The following SAMD12 variants were observed in gnomAD, a reference collection of about 807,000 sequenced individuals.
SAMD12 encodes the protein sterile alpha motif domain-containing protein 12.
SAMD12 carries 9 observed loss-of-function variants against 15.0 expected under a neutral mutation model. That is an observed-to-expected ratio of 0.60 (90% CI 0.36 to 1.05). The LOEUF (loss-of-function observed/expected upper bound fraction) is 1.05, where lower values mean the gene tolerates loss of function less well. Among genes scored for constraint, SAMD12 ranks in the 50% least tolerant of loss-of-function variants. SAMD12 has a pLI of 0.01. For missense variants in SAMD12, 230 were observed against 234.2 expected, an observed-to-expected ratio of 0.98 and a Z score of 0.12; for synonymous variants, 86 against 90.1, an observed-to-expected ratio of 0.96 and a Z score of 0.25.
At chr8:118,385,443 C>T (rs530280955) in intron 3 of SAMD12, among the ~76,000 whole-genome samples, 1 of 152,314 alleles carries the variant, frequency 6.6e-6, no homozygotes, top group African/African-American at 2.4e-5. Flanking sequence ...CCTGGTTCTA[C>T]AGCAGCTTCT....
the SAMD12 span, among the ~76,000 whole-genome samples, chr8:118,140,966 G>A: frequency 2.0e-5 from 3 of 152,242 alleles, no homozygotes; most frequent in South Asian, 6.2e-4. Flanking sequence ...AGTTTTGTTG[G>A]GCTGAGTCAC....
At chr8:118,542,305 A>G (rs190498425) in intron 2 of SAMD12, among the ~76,000 whole-genome samples, 1 of 152,212 alleles carries the variant, frequency 6.6e-6, no homozygotes, top group Non-Finnish European at 1.5e-5. Context: ...CAATGAAAAA[A>G]TAGATACATC....
the SAMD12 span, among the ~76,000 whole-genome samples, chr8:118,156,313 T>C: frequency 2.6e-5 from 4 of 152,216 alleles, no homozygotes; most frequent in African/African-American, 9.7e-5. Context: ...CATCAGATTG[T>C]ATCAGTGTGA....
At chr8:118,418,635 C>T (rs1051419758) in intron 3 of SAMD12, among the ~76,000 whole-genome samples, 5 of 151,812 alleles carry the variant, frequency 3.3e-5, no homozygotes, top group Non-Finnish European at 5.9e-5. Flanking sequence ...AGGAGAATGG[C>T]ATGAACCCGG....
rs530304889 is a variant in SAMD12, at chr8:118,336,520, T to C, written c.433+43040A>G. On this transcript the variant is annotated intron_variant, in intron 4 of 4. Coordinates refer to the SAMD12 transcript ENST00000409003. ...GTCTTTATAGCAGCATGATTTATAATCCTTTGGGTAGATACCCCGTAATGG... is the reference window on the plus strand; with the variant it reads ...GTCTTTATAGCAGCATGATTTATAACCCTTTGGGTAGATACCCCGTAATGG... Among the ~76,000 whole-genome samples, 20 of 151,962 alleles carry C rather than the reference T, an allele frequency of 1.3e-4. No homozygotes were observed. The South Asian group carries it at 4.1e-3, about 32-fold the overall frequency.
At chr8:118,491,808 C>T (rs551251046) in intron 2 of SAMD12, among the ~76,000 whole-genome samples, 3 of 152,154 alleles carry the variant, frequency 2.0e-5, no homozygotes, top group East Asian at 1.9e-4. Context: ...TAGAGAAGCC[C>T]GTTGTATAAA....
the SAMD12 span, among the ~76,000 whole-genome samples, chr8:118,132,948 G>T: frequency 8.2e-6 from 1 of 121,762 alleles, no homozygotes; most frequent in Admixed American, 9.1e-5. Flanking sequence ...TGATTCTTAT[G>T]GTAGCTAACA....
chr8:118,270,836 G>A (rs1314639807), intron 4 of SAMD12, among the ~76,000 whole-genome samples: 1 of 152,102 alleles, frequency 6.6e-6, no homozygotes, highest in African/African-American at 2.4e-5. Context: ...CTATATCACA[G>A]TGAGAAAGAA....
chr8:118,409,133 A>T (rs911946844), intron 3 of SAMD12, among the ~76,000 whole-genome samples: 2 of 152,108 alleles, frequency 1.3e-5, no homozygotes, highest in African/African-American at 4.8e-5. Context: ...TGAAGTTACA[A>T]ATGGGAAGGG....
At chr8:118,349,993 T>G (rs1162626071) in intron 4 of SAMD12, among the ~76,000 whole-genome samples, 1 of 152,110 alleles carries the variant, frequency 6.6e-6, no homozygotes, top group Non-Finnish European at 1.5e-5. Flanking sequence ...CCAGCCGTGG[T>G]GGTACATGCC....
At chr8:118,348,187 C>A (rs1218464743) in intron 4 of SAMD12, among the ~76,000 whole-genome samples, 1 of 152,136 alleles carries the variant, frequency 6.6e-6, no homozygotes, top group African/African-American at 2.4e-5. Context: ...AGTGATCCTC[C>A]CACCTCAGCC....
intron 2 of SAMD12, among the ~76,000 whole-genome samples, chr8:118,448,734 CAG>C (rs1327086323): frequency 6.6e-6 from 1 of 151,948 alleles, no homozygotes; most frequent in East Asian, 1.9e-4. Flanking sequence ...TCAACTGACA[CAG>C]AGAGTGATGT....
intron 3 of SAMD12, among the ~76,000 whole-genome samples, chr8:118,420,302 T>C (rs1421989065): frequency 6.6e-6 from 1 of 152,152 alleles, no homozygotes; most frequent in Admixed American, 6.5e-5. Context: ...TGTGTGTGTA[T>C]ATATAGGAGG....
intron 4 of SAMD12, among the ~76,000 whole-genome samples, chr8:118,343,404 C>A (rs1817472119): frequency 7.0e-6 from 1 of 141,896 alleles, no homozygotes; most frequent in African/African-American, 2.7e-5. Context: ...ACCAGAAATG[C>A]AACATGCAAA....
intron 1 of SAMD12, among the ~76,000 whole-genome samples, chr8:118,614,199 C>T (rs1034222904): frequency 4.6e-5 from 7 of 152,220 alleles, no homozygotes; most frequent in African/African-American, 1.7e-4. Flanking sequence ...AGCATCATCA[C>T]TATCATCTTG....
At chr8:118,476,302 T>C (rs1374259223) in intron 2 of SAMD12, among the ~76,000 whole-genome samples, 4 of 152,160 alleles carry the variant, frequency 2.6e-5, no homozygotes, top group Non-Finnish European at 2.9e-5. Flanking sequence ...TCCTGGACCA[T>C]GCAAATAAGA....
At chr8:118,147,875 A>G in the SAMD12 span, among the ~76,000 whole-genome samples, 2 of 151,386 alleles carry the variant, frequency 1.3e-5, no homozygotes, top group South Asian at 2.1e-4. Context: ...TTAGCCTCCT[A>G]AGTAGCTAGG....
chr8:118,166,526 G>C, the SAMD12 span, among the ~76,000 whole-genome samples: 1 of 152,062 alleles, frequency 6.6e-6, no homozygotes, highest in African/African-American at 2.4e-5. Flanking sequence ...AAAAATTAAT[G>C]CTTTGTACTT....
At chr8:118,239,460 A>G (rs1812519217) in intron 4 of SAMD12, among the ~76,000 whole-genome samples, 2 of 152,156 alleles carry the variant, frequency 1.3e-5, no homozygotes, top group African/African-American at 4.8e-5. Context: ...CTGAGTACCT[A>G]TTATGTGCCA....
Sources: allele counts gnomAD v4.1 joint callset (sites outside exome capture counted in the v4.1 genomes callset), GRCh38; gene constraint gnomAD v4.1.1; transcripts MANE v1.5; gene names NCBI Gene and HGNC (gene_info 2026-07-23, HGNC 2026-07-21).